Variants in KIRREL1 observed in about 807,000 individuals in gnomAD.
The protein encoded by KIRREL1 is kirre like nephrin family adhesion molecule 1.
Under a neutral mutation model 83.3 loss-of-function variants are expected in KIRREL1, and 25 were observed. The ratio of observed to expected loss-of-function variants is 0.30; its 90% confidence interval spans 0.22 to 0.42. KIRREL1 has a LOEUF of 0.42. Among genes scored for constraint, KIRREL1 ranks in the 10% least tolerant of loss-of-function variants. The pLI, the probability that KIRREL1 is intolerant of heterozygous loss-of-function variation, is 1.00. For synonymous variants in KIRREL1, 388 were observed against 410.4 expected, an observed-to-expected ratio of 0.95 and a Z score of 0.66; for missense variants, 812 against 1,032.3, an observed-to-expected ratio of 0.79 and a Z score of 2.92.
At chr1:158,061,187 T>C (rs1404618563) in intron 1 of KIRREL1, among the ~76,000 whole-genome samples, 1 of 152,096 alleles carries the variant, frequency 6.6e-6, no homozygotes, top group Non-Finnish European at 1.5e-5. Flanking sequence ...TTGGAATGCA[T>C]GGCACCCTGT....
At chr1:158,027,667 T>C (rs904245215) in intron 1 of KIRREL1, among the ~76,000 whole-genome samples, 4 of 152,248 alleles carry the variant, frequency 2.6e-5, no homozygotes, top group Non-Finnish European at 5.9e-5. Context: ...GGACCAAATA[T>C]GTATTTCACA....
chr1:158,086,815 C>T (rs1425028246), intron 5 of KIRREL1, 69 bp downstream of exon 5: 5 of 1,418,556 alleles, frequency 3.5e-6, no homozygotes, highest in Non-Finnish European at 4.8e-6. Context: ...GAAGCACACT[C>T]TTAGTTTGAG....
At chr1:158,015,765 G>A (rs953621289) in intron 1 of KIRREL1, among the ~76,000 whole-genome samples, 2 of 152,190 alleles carry the variant, frequency 1.3e-5, no homozygotes, top group Non-Finnish European at 2.9e-5. Flanking sequence ...CATCTCTGAT[G>A]AGGCACTTAG....
chr1:158,006,689 C>T (rs755867680), intron 1 of KIRREL1, among the ~76,000 whole-genome samples: 15 of 152,196 alleles, frequency 9.9e-5, no homozygotes, highest in Non-Finnish European at 1.3e-4. Flanking sequence ...CCTTCTCAGC[C>T]GCTCAGAGCA....
At position 158,089,508 on chromosome 1, in the gene KIRREL1, A is replaced by G. The variant is rs1298164173; in HGVS notation, c.1051A>G (p.Ser351Gly). The change falls in exon 9 of 15, where the codon AGT (serine) becomes GGT (glycine). Residue 351 changes from serine (S) to glycine (G), a missense_variant. Ser to Gly is a moderately conservative substitution (Grantham distance 56). Coordinates refer to ENST00000359209, the MANE Select transcript of KIRREL1 (RefSeq NM_018240.7). ...WTKKDSNMVL[S>G]NSNQLLLKSV... is the part of the protein sequence containing the mutation. ...GGCTGCTCTCTCTGCCCAGGTCCTGAGTAACAGCAACCAGCTGCTGCTGAA... is the reference window on the plus strand; with the variant it reads ...GGCTGCTCTCTCTGCCCAGGTCCTGGGTAACAGCAACCAGCTGCTGCTGAA... 1.2e-6 allele frequency: 2 copies of G among 1,613,994 alleles called. No individual in the cohort carries two copies. Among genetic ancestry groups the G allele is most frequent in the Admixed American group, 1.7e-5 (1 of 59,996 alleles).
intron 1 of KIRREL1, among the ~76,000 whole-genome samples, chr1:158,006,939 T>TCC (rs1450536361): frequency 6.6e-6 from 1 of 152,180 alleles, no homozygotes; most frequent in African/African-American, 2.4e-5. Flanking sequence ...AGTGTCCTTG[T>TCC]CCCGCCTTGC....
intron 1 of KIRREL1, among the ~76,000 whole-genome samples, chr1:158,035,201 C>G (rs978386493): frequency 5.5e-4 from 84 of 152,174 alleles, no homozygotes; most frequent in African/African-American, 2.0e-3. Flanking sequence ...AATTACTTAC[C>G]ATCCGTCAGT....
In KIRREL1 at chr1:158,094,898, C is replaced by T. The variant is rs144069175; in HGVS notation, c.2052C>T (p.Tyr684=). The part of the protein sequence containing the change: ...AGTDTTSQLS[Y]ENYEKFNSHP... Reference sequence around the variant, plus strand: ...CTGACACAACCAGCCAGCTGTCCTACGAGAACTATGAGAAGTTCAACTCCC... The same window carrying T: ...CTGACACAACCAGCCAGCTGTCCTATGAGAACTATGAGAAGTTCAACTCCC... Residue 684 remains tyrosine (Y), a synonymous_variant, in exon 15 of 15, where the codon TAC becomes TAT. Coordinates refer to ENST00000359209, the MANE Select transcript of KIRREL1 (RefSeq NM_018240.7). The surrounding 1 kb of genome is among the most constrained non-coding windows in gnomAD (Gnocchi z 4.6). 1.3e-4 allele frequency: 212 copies of T among 1,614,110 alleles called. No homozygotes were observed. In the African/African-American group the frequency reaches 1.4e-3, roughly 10 times the overall value.
chr1:158,097,274 G>A lies in KIRREL1; in HGVS notation c.*2154G>A. 3.1e-6 allele frequency: 1 copy of A among 319,798 alleles called. No individual in the cohort carries two copies. The highest frequency in any genetic ancestry group is 2.8e-5 in the South Asian group (1 of 36,272). 19.8% of individuals were successfully genotyped at this position (319,798 alleles called of 1,614,324 possible). A position where few individuals can be genotyped will look rare whatever the true frequency, so the allele number is the denominator to read the frequency against. Reference sequence around the variant, plus strand: ...TTTCACAAAAACCAGAAACCATGGGGGAATCCAAAGACTTGAAGTCTAAAG... The same window carrying A: ...TTTCACAAAAACCAGAAACCATGGGAGAATCCAAAGACTTGAAGTCTAAAG... On this transcript the variant is annotated 3_prime_UTR_variant, in exon 15 of 15. Coordinates refer to ENST00000359209, the MANE Select transcript of KIRREL1 (RefSeq NM_018240.7).
intron 1 of KIRREL1, among the ~76,000 whole-genome samples, chr1:158,014,447 G>C (rs532806039): frequency 1.3e-5 from 2 of 152,020 alleles, no homozygotes; most frequent in South Asian, 2.1e-4. Flanking sequence ...CCCATTGTCC[G>C]GGACTCTGCC....
intron 1 of KIRREL1, among the ~76,000 whole-genome samples, chr1:158,050,481 A>G (rs566860705): frequency 1.3e-5 from 2 of 152,048 alleles, no homozygotes; most frequent in South Asian, 4.2e-4. Context: ...CATTCACTAT[A>G]AACATCCCTC....
Position 158,047,095 on chromosome 1 carries a change from A to G in KIRREL1, c.53-29018A>G, listed in dbSNP as rs564142984. Among the ~76,000 whole-genome samples the G allele has an allele frequency of 2.0e-5, 3 of 152,282 alleles. No individual in the cohort carries two copies. In the South Asian group the frequency reaches 6.2e-4, roughly 32 times the overall value. ...GGAGTGTCATATGGAAGAGAATTAG[A>G]TTCATTTTATGTGACTCCATAGAGA... On this transcript the variant is annotated intron_variant, in intron 1 of 14. Transcript: ENST00000359209.
intron 1 of KIRREL1, among the ~76,000 whole-genome samples, chr1:157,999,394 C>A (rs1024019870): frequency 6.6e-6 from 1 of 152,072 alleles, no homozygotes; most frequent in Non-Finnish European, 1.5e-5. Flanking sequence ...TCACATGTAC[C>A]ATTTGATAGA....
At chr1:158,021,116 T>G (rs139837040) in intron 1 of KIRREL1, among the ~76,000 whole-genome samples, 51 of 152,282 alleles carry the variant, frequency 3.3e-4, no homozygotes, top group African/African-American at 1.1e-3. Flanking sequence ...ATTGAGGAAG[T>G]ATCTCGACCA....
chr1:158,030,253 G>T (rs1007444167), intron 1 of KIRREL1, among the ~76,000 whole-genome samples: 86 of 152,098 alleles, frequency 5.7e-4, no homozygotes, highest in African/African-American at 2.0e-3. Context: ...TGTGACTTTG[G>T]GACCATAAAC....
intron 1 of KIRREL1, among the ~76,000 whole-genome samples, chr1:158,071,280 G>A (rs1300170799): frequency 6.6e-6 from 1 of 152,134 alleles, no homozygotes; most frequent in Admixed American, 6.5e-5. Flanking sequence ...CTCTGCCTCT[G>A]CGTGGGTGTC....
rs186555942 is a variant in KIRREL1, at chr1:158,033,901, C to G, written c.52+40173C>G. On this transcript the variant is annotated intron_variant, in intron 1 of 14. Transcript: ENST00000359209. The stretch of plus-strand genomic sequence containing the variant: ...GGCTGAGGCAGGAGAATTGCTTGAA[C>G]CTGGGAGGCAGAGGTTGCAGTGAGC... 4.1e-4 allele frequency among the ~76,000 whole-genome samples: 62 copies of G among 151,982 alleles called. 1 individual carries two copies. The highest frequency in any genetic ancestry group is 3.9e-3 in the Admixed American group (59 of 15,286).
intron 1 of KIRREL1, among the ~76,000 whole-genome samples, chr1:158,023,835 G>A (rs990248311): frequency 2.6e-5 from 4 of 152,202 alleles, no homozygotes; most frequent in Non-Finnish European, 2.9e-5. Context: ...GAAAGAAAAC[G>A]TTAAGTTATT....
chr1:158,023,853 G>A (rs773466124), intron 1 of KIRREL1, among the ~76,000 whole-genome samples: 18 of 152,226 alleles, frequency 1.2e-4, no homozygotes, highest in Non-Finnish European at 2.2e-4. Flanking sequence ...ATTGTGCTGC[G>A]AAAGGTGTCC....
Sources: allele counts gnomAD v4.1 joint callset (sites outside exome capture counted in the v4.1 genomes callset), GRCh38; gene constraint gnomAD v4.1.1; non-coding constraint Gnocchi (gnomAD v3.1); transcripts MANE v1.5; gene names NCBI Gene and HGNC (gene_info 2026-07-23, HGNC 2026-07-21).